The following ZNF341 variants were observed in gnomAD, a reference collection of about 807,000 sequenced individuals.
ZNF341 encodes zinc finger protein 341.
Under a neutral mutation model 87.7 loss-of-function variants are expected in ZNF341, and 52 were observed. The ratio of observed to expected loss-of-function variants is 0.59; its 90% CI spans 0.47 to 0.75. The LOEUF (loss-of-function observed/expected upper bound fraction) is 0.75, where lower values mean the gene tolerates loss of function less well. Among genes scored for constraint, ZNF341 ranks in the 30% least tolerant of loss-of-function variants. The pLI, the probability that ZNF341 is intolerant of heterozygous loss-of-function variation, is 0.00. For synonymous variants in ZNF341, 459 were observed against 472.7 expected (o/e 0.97, Z 0.38); for missense variants, 977 against 1,145.9 (o/e 0.85, Z 2.13).
At chr20:33,745,031 A>G (rs2018886393) in intron 2 of ZNF341, 72 bp from the exon 3 acceptor site, 2 of 1,409,802 alleles carry the variant, frequency 1.4e-6, no homozygotes, top group Non-Finnish European at 9.8e-7. Flanking sequence ...CCCTTGACAT[A>G]GTCTTGCTTT....
chr20:33,784,798 T>A (rs918147468), intron 12 of ZNF341, among the ~76,000 whole-genome samples: 1 of 152,000 alleles, frequency 6.6e-6, no homozygotes, highest in Admixed American at 6.6e-5. Context: ...GTATTTTTAG[T>A]AGAAACAGGG....
rs2019998437 is a variant in ZNF341, at chr20:33,790,878, A to G, written c.2036-110A>G. ...GACGAGGGTGGAGAGAGCTGGGGCC[A>G]GATCACACAGGTGCTGGTGGGGAAA... On this transcript the variant is annotated intron_variant, in intron 14 of 14. Coordinates refer to ENST00000375200, the MANE Select transcript of ZNF341 (RefSeq NM_001282933.2). 4 of 1,297,910 alleles carry G rather than the reference A, an allele frequency of 3.1e-6. No individual in the cohort carries two copies. In the South Asian group the frequency reaches 4.4e-5, roughly 14 times the overall value. The allele number at this position is 1,297,910 out of a possible 1,614,324, so 80.4% of individuals were successfully genotyped here.
chr20:33,754,589 T>C (rs922438854), intron 5 of ZNF341, among the ~76,000 whole-genome samples: 2 of 152,142 alleles, frequency 1.3e-5, no homozygotes, highest in Admixed American at 6.5e-5. Context: ...ATTTATTGCA[T>C]TGAGAAAAAG....
At chr20:33,747,297 C>A (rs1282661309) in intron 3 of ZNF341, among the ~76,000 whole-genome samples, 1 of 152,116 alleles carries the variant, frequency 6.6e-6, no homozygotes, top group African/African-American at 2.4e-5. Context: ...GACATATAGA[C>A]TGAAACAGGC....
At chr20:33,741,076 C>T in intron 2 of ZNF341, 64 bp downstream of exon 2, 1 of 1,474,470 alleles carries the variant, frequency 6.8e-7, no homozygotes, top group Non-Finnish European at 9.5e-7. Context: ...GTAGGTGGAG[C>T]TTGTGCTGGG....
chr20:33,765,805 G>A (rs2019392660), intron 8 of ZNF341, among the ~76,000 whole-genome samples: 1 of 152,202 alleles, frequency 6.6e-6, no homozygotes, highest in Non-Finnish European at 1.5e-5. Flanking sequence ...GCAGGGATGA[G>A]GCCAGAGGCC....
chr20:33,746,866 A>G (rs1393249118), intron 3 of ZNF341, among the ~76,000 whole-genome samples: 1 of 152,186 alleles, frequency 6.6e-6, no homozygotes, highest in Non-Finnish European at 1.5e-5. Context: ...TAGAGTTGCC[A>G]CTAGCTGAAG....
chr20:33,756,014 G>C (rs916689294), intron 5 of ZNF341, among the ~76,000 whole-genome samples: 3 of 151,990 alleles, frequency 2.0e-5, no homozygotes, highest in African/African-American at 7.2e-5. Flanking sequence ...CTTAAGCTCA[G>C]GAGTTTGAGT....
intron 8 of ZNF341, among the ~76,000 whole-genome samples, chr20:33,762,488 A>C (rs1175770934): frequency 6.6e-6 from 1 of 152,164 alleles, no homozygotes; most frequent in Non-Finnish European, 1.5e-5. Context: ...ATGAATGAAT[A>C]AATAAATAGG....
chr20:33,784,262 TC>T (rs1453338308), intron 12 of ZNF341, among the ~76,000 whole-genome samples: 2 of 7,922 alleles, frequency 2.5e-4, no homozygotes, highest in Non-Finnish European at 2.4e-4. Flanking sequence ...TCCATCTCTC[TC>T]CCCCCCATCT....
chr20:33,745,140 G>A lies in ZNF341; in HGVS notation c.180G>A (p.Lys60=), dbSNP rs970130631. The A allele has an allele frequency of 6.2e-7, 1 of 1,613,896 alleles. No individual in the cohort carries two copies. The highest frequency in any genetic ancestry group is 8.5e-7 in the Non-Finnish European group (1 of 1,179,784). ...EDVFLCGKCK[K]QFNSLPAFMT... ...TATTTCTCTGCGGGAAGTGTAAGAA[G>A]CAATTCAACTCGCTGCCAGCGTTTA... The change falls in exon 3 of 15, where the codon AAG becomes AAA. Residue 60 remains lysine (K), a synonymous_variant. Transcript: ENST00000375200.
intron 2 of ZNF341, among the ~76,000 whole-genome samples, chr20:33,742,990 T>C (rs1182761576): frequency 6.6e-6 from 1 of 152,070 alleles, no homozygotes. Flanking sequence ...GAATAGCCAC[T>C]GTGCTGCAGC....
chr20:33,745,169 C>G lies in ZNF341; in HGVS notation c.209C>G (p.Thr70Ser). The change falls in exon 3 of 15, where the codon ACC becomes AGC. Residue 70 changes from threonine (T) to serine (S), a missense_variant. Transcript: ENST00000375200. The part of the protein sequence containing the change: ...KQFNSLPAFM[T>S]HKREQCQGNA... ...TTCAACTCGCTGCCAGCGTTTATGA[C>G]CCACAAGCGGGAACAGTGCCAGGGG... 1 of 1,614,178 alleles carries G rather than the reference C, an allele frequency of 6.2e-7. No individual in the cohort carries two copies.
chr20:33,782,990 T>C (rs2019774602), intron 11 of ZNF341, among the ~76,000 whole-genome samples: 1 of 151,976 alleles, frequency 6.6e-6, no homozygotes, highest in Admixed American at 6.6e-5. Context: ...ACCCTGTCTC[T>C]ACTAAAAATA....
intron 10 of ZNF341, among the ~76,000 whole-genome samples, chr20:33,775,212 G>T (rs6059463): frequency 0.044 from 6,119 of 137,720 alleles, 415 homozygotes; most frequent in African/African-American, 0.15. Context: ...AAAGGGTTTT[G>T]TTTTTTTTTT....
At chr20:33,765,388 T>A (rs2019383218) in intron 8 of ZNF341, among the ~76,000 whole-genome samples, 2 of 151,268 alleles carry the variant, frequency 1.3e-5, no homozygotes, top group Admixed American at 6.6e-5. Context: ...TTAAAAAAAA[T>A]TTTCTTTTGA....
chr20:33,762,144 C>A, intron 8 of ZNF341, 89 bp downstream of exon 8: 1 of 1,239,678 alleles, frequency 8.1e-7, no homozygotes, highest in Non-Finnish European at 1.1e-6. Context: ...CTTGGGCAAA[C>A]CCCATGACCT....
At chr20:33,764,818 TTTTTGTTTTG>T (rs1176640249) in intron 8 of ZNF341, among the ~76,000 whole-genome samples, 3 of 151,420 alleles carry the variant, frequency 2.0e-5, no homozygotes, top group South Asian at 2.1e-4. Flanking sequence ...TTCTTTCTGT[TTTTTGTTTTG>T]TTTTGTTTTG....
chr20:33,762,013 A>G lies in ZNF341; in HGVS notation c.1180A>G (p.Met394Val). ...TCGAAACTCTGTGACCGTACAGGTCATGGCCCTGAACCCCAGCAGGCAGGA... is the reference window on the plus strand; with the variant it reads ...TCGAAACTCTGTGACCGTACAGGTCGTGGCCCTGAACCCCAGCAGGCAGGA... Reference protein sequence around the residue: ...VSRNSVTVQVMALNPSRQEDE... With the variant: ...VSRNSVTVQVVALNPSRQEDE... The change falls in exon 8 of 15, where the codon ATG becomes GTG. Residue 394 changes from methionine (M) to valine (V), a missense_variant. Physicochemically the swap from Met to Val is conservative, Grantham distance 21. Transcript: ENST00000375200. The G allele has an allele frequency of 6.3e-7, 1 of 1,594,214 alleles. No homozygotes were observed. Among genetic ancestry groups the G allele is most frequent in the South Asian group, 1.1e-5 (1 of 89,504 alleles).
Sources: gnomAD v4.1 joint callset for allele counts (sites outside exome capture counted in the v4.1 genomes callset) on GRCh38, gnomAD v4.1.1 for gene constraint, MANE v1.5 for transcripts, NCBI Gene and HGNC (gene_info 2026-07-23, HGNC 2026-07-21) for gene names.